Variants in KAT6B observed in about 807,000 individuals in gnomAD.
KAT6B encodes the protein lysine acetyltransferase 6B.
Under a neutral mutation model 187.5 loss-of-function variants are expected in KAT6B, and 10 were observed. The observed-to-expected ratio is 0.05, with a 90% CI of 0.03 to 0.09. KAT6B has a LOEUF of 0.09. Among genes scored for constraint, KAT6B ranks in the 10% least tolerant of loss-of-function variants. The probability of loss-of-function intolerance (pLI) is 1.00; values close to 1 mark genes in which losing one functional copy is unlikely to be tolerated. For missense variants in KAT6B, 1,952 were observed against 2,558.9 expected (o/e 0.76, Z 5.12); for synonymous variants, 861 against 926.8 (o/e 0.93, Z 1.29).
At chr10:74,933,976 A>G (rs1346183196) in intron 3 of KAT6B, among the ~76,000 whole-genome samples, 2 of 152,038 alleles carry the variant, frequency 1.3e-5, no homozygotes, top group Non-Finnish European at 2.9e-5. Context: ...GCCTGAGTTG[A>G]AGAGTTTGAG....
At chr10:74,845,382 C>T (rs993861725) in intron 3 of KAT6B, among the ~76,000 whole-genome samples, 3 of 151,656 alleles carry the variant, frequency 2.0e-5, no homozygotes, top group African/African-American at 7.3e-5. Context: ...ATTAGGCAGG[C>T]GTGGTGGGGG....
intron 17 of KAT6B, 27 bp from the exon 18 acceptor site, chr10:75,028,461 TC>T: frequency 6.2e-7 from 1 of 1,614,124 alleles, no homozygotes; most frequent in Non-Finnish European, 8.5e-7. Context: ...CTGTTTTTTT[TC>T]CTTCCCGTTT....
At chr10:74,958,586 G>C (rs929393765) in intron 3 of KAT6B, among the ~76,000 whole-genome samples, 8 of 152,292 alleles carry the variant, frequency 5.3e-5, no homozygotes, top group Admixed American at 4.6e-4. Context: ...GGCACTGTCA[G>C]CTATTCCTAT....
intron 3 of KAT6B, among the ~76,000 whole-genome samples, chr10:74,848,640 A>G (rs889883483): frequency 2.0e-5 from 3 of 151,972 alleles, no homozygotes; most frequent in Non-Finnish European, 4.4e-5. Flanking sequence ...AGTGTGGCCC[A>G]GGGAAGCCAA....
At chr10:74,860,500 A>G (rs1170949870) in intron 3 of KAT6B, among the ~76,000 whole-genome samples, 2 of 152,232 alleles carry the variant, frequency 1.3e-5, no homozygotes, top group African/African-American at 4.8e-5. Context: ...AAATAAGGTG[A>G]CTTGCCCAAG....
chr10:75,029,457 G>T lies in KAT6B; in HGVS notation c.4633G>T (p.Val1545Phe). ...AATCGACTCTGAGACTGTCCAGGCC[G>T]TTCAGTCTTTGACCCAGGAGAGCAG... ...MEIDSETVQA[V>F]QSLTQESSEQ... is the part of the protein sequence containing the mutation. The change falls in exon 18 of 18, where the codon GTT becomes TTT. Residue 1545 changes from valine (V) to phenylalanine (F), a missense_variant. By Grantham distance (50) the Val-to-Phe change is conservative. Transcript: ENST00000287239. The surrounding 1 kb of genome is among the most constrained non-coding windows in gnomAD (Gnocchi z 6.2). The T allele has an allele frequency of 6.2e-7, 1 of 1,614,128 alleles. No homozygotes were observed. The highest frequency in any genetic ancestry group is 8.5e-7 in the Non-Finnish European group (1 of 1,180,024).
chr10:74,968,564 C>A (rs1204448207), intron 4 of KAT6B, among the ~76,000 whole-genome samples: 1 of 152,026 alleles, frequency 6.6e-6, no homozygotes, highest in African/African-American at 2.4e-5. Flanking sequence ...AAACAATGAG[C>A]CTGCCAAAGT....
intron 3 of KAT6B, among the ~76,000 whole-genome samples, chr10:74,914,363 A>G (rs1847491946): frequency 6.6e-6 from 1 of 152,168 alleles, no homozygotes; most frequent in Non-Finnish European, 1.5e-5. Flanking sequence ...ATCAAATTCC[A>G]TCTTATTATT....
intron 10 of KAT6B, among the ~76,000 whole-genome samples, chr10:74,979,840 A>C (rs1382296987): frequency 6.6e-6 from 1 of 152,130 alleles, no homozygotes; most frequent in Non-Finnish European, 1.5e-5. Flanking sequence ...CCCTTCCCCA[A>C]ATTTTTACTT....
At chr10:75,027,102 G>A (rs562897369) in intron 17 of KAT6B, among the ~76,000 whole-genome samples, 2 of 152,280 alleles carry the variant, frequency 1.3e-5, no homozygotes, top group Admixed American at 1.3e-4. Context: ...TCATGCCACT[G>A]CACTCCAGCC....
At chr10:75,024,924 A>G in intron 16 of KAT6B, 34 bp from the exon 17 acceptor site, 1 of 1,601,616 alleles carries the variant, frequency 6.2e-7, no homozygotes, top group Non-Finnish European at 8.6e-7. Flanking sequence ...ATTTCTCATG[A>G]GCTCTTATGT....
intron 15 of KAT6B, among the ~76,000 whole-genome samples, chr10:75,021,644 G>A (rs1226299050): frequency 3.3e-5 from 5 of 152,170 alleles, no homozygotes; most frequent in African/African-American, 7.2e-5. Context: ...AGTGATAAAG[G>A]ACTCAAATCA....
intron 3 of KAT6B, among the ~76,000 whole-genome samples, chr10:74,880,831 G>C (rs1844796036): frequency 6.6e-6 from 1 of 152,134 alleles, no homozygotes; most frequent in South Asian, 2.1e-4. Context: ...GGCCAGGCTG[G>C]TCTCGAACTC....
intron 4 of KAT6B, among the ~76,000 whole-genome samples, chr10:74,961,670 C>T (rs928675488): frequency 3.9e-5 from 6 of 152,128 alleles, no homozygotes; most frequent in Non-Finnish European, 5.9e-5. Context: ...ATCAATCTCC[C>T]TTTGTCTTTC....
intron 4 of KAT6B, among the ~76,000 whole-genome samples, chr10:74,964,665 C>T (rs1000486292): frequency 1.3e-5 from 2 of 152,154 alleles, no homozygotes; most frequent in Non-Finnish European, 2.9e-5. Flanking sequence ...AGCTCATCAA[C>T]CTTGCACTGC....
intron 3 of KAT6B, among the ~76,000 whole-genome samples, chr10:74,910,689 T>G (rs998979923): frequency 1.3e-5 from 2 of 152,136 alleles, no homozygotes; most frequent in African/African-American, 4.8e-5. Context: ...TCAAACATCA[T>G]GGACTACAGA....
chr10:74,933,348 A>G (rs1849015659), intron 3 of KAT6B, among the ~76,000 whole-genome samples: 1 of 152,124 alleles, frequency 6.6e-6, no homozygotes, highest in Non-Finnish European at 1.5e-5. Context: ...AAACAGTAAC[A>G]TTGTTTGGGT....
chr10:74,891,957 G>A (rs1845670429), intron 3 of KAT6B, among the ~76,000 whole-genome samples: 1 of 152,206 alleles, frequency 6.6e-6, no homozygotes, highest in Non-Finnish European at 1.5e-5. Flanking sequence ...GAAGCCAGCA[G>A]AGTTCAAATG....
intron 3 of KAT6B, among the ~76,000 whole-genome samples, chr10:74,880,416 T>C (rs545543907): frequency 6.6e-6 from 1 of 152,230 alleles, no homozygotes; most frequent in East Asian, 1.9e-4. Context: ...TACTTCATTC[T>C]TTATAACTGC....
Sources: gnomAD v4.1 joint callset for allele counts (sites outside exome capture counted in the v4.1 genomes callset) on GRCh38, gnomAD v4.1.1 for gene constraint, Gnocchi (gnomAD v3.1) non-coding constraint, MANE v1.5 for transcripts, NCBI Gene and HGNC (gene_info 2026-07-23, HGNC 2026-07-21) for gene names.